Variants in TBC1D8B observed in about 807,000 individuals in gnomAD.
TBC1D8B encodes the protein RP11-321G1.1.
TBC1D8B carries 75 observed loss-of-function variants against 82.9 expected under a neutral mutation model. The observed-to-expected ratio is 0.90, with a 90% CI of 0.75 to 1.10. TBC1D8B has a LOEUF of 1.10. TBC1D8B is among the 50% of genes least tolerant of loss of function. The probability of loss-of-function intolerance (pLI) is 0.00; values close to 1 mark genes in which losing one functional copy is unlikely to be tolerated. For missense variants in TBC1D8B, 794 were observed against 796.9 expected (o/e 1.00, Z 0.04); for synonymous variants, 276 against 276.8 (o/e 1.00, Z 0.03).
In TBC1D8B at chrX:106,875,175, A is replaced by C. The variant is rs977021567; in HGVS notation, c.*1210A>C. 1 of 111,464 alleles carries C rather than the reference A, an allele frequency of 9.0e-6. No individual in the cohort carries two copies. The highest frequency in any genetic ancestry group is 3.3e-5 in the African/African-American group (1 of 30,679). The allele number at this position is 111,464 out of a possible 1,213,427, so 9.2% of individuals were successfully genotyped here. On this transcript the variant is annotated 3_prime_UTR_variant, in exon 21 of 21. Transcript: ENST00000357242. Reference sequence around the variant, plus strand: ...TATTCCTACCAAGGACAATTTATTAATCAATTGACTTAGAAAATAGGGGGA... The same window carrying C: ...TATTCCTACCAAGGACAATTTATTACTCAATTGACTTAGAAAATAGGGGGA...
At chrX:106,846,332 T>C (rs1413091747) in intron 10 of TBC1D8B, among the ~76,000 whole-genome samples, 1 of 106,662 alleles carries the variant, frequency 9.4e-6, no homozygotes, top group African/African-American at 3.4e-5. Flanking sequence ...GGTTATGAAC[T>C]CCTGACCTCA....
chrX:106,865,397 C>G (rs1932807273), intron 14 of TBC1D8B, 162 bp from the exon 15 acceptor site: 1 of 266,664 alleles, frequency 3.8e-6, no homozygotes, highest in Non-Finnish European at 6.5e-6. Context: ...TAGATAATAA[C>G]TTTATAATAT....
At chrX:106,848,768 T>TTTTTA (rs1338155192) in intron 11 of TBC1D8B, among the ~76,000 whole-genome samples, 90 of 110,168 alleles carry the variant, frequency 8.2e-4, no homozygotes, top group Middle Eastern at 9.3e-3. Flanking sequence ...AATTGTATAA[T>TTTTTA]TTTTATTTTA....
chrX:106,830,542 A>C (rs1409508324), intron 7 of TBC1D8B, among the ~76,000 whole-genome samples: 1 of 111,136 alleles, frequency 9.0e-6, no homozygotes, highest in African/African-American at 3.3e-5. Flanking sequence ...CTTGGAACCA[A>C]GCCAAATGTC....
At chrX:106,863,327 G>A (rs943206862) in intron 14 of TBC1D8B, among the ~76,000 whole-genome samples, 1 of 111,579 alleles carries the variant, frequency 9.0e-6, no homozygotes, top group Non-Finnish European at 1.9e-5. Context: ...CAGGGAGATG[G>A]CCCATTCACC....
At chrX:106,870,878 C>G in intron 20 of TBC1D8B, 65 bp downstream of exon 20, 1 of 676,938 alleles carries the variant, frequency 1.5e-6, no homozygotes, top group Admixed American at 3.5e-5. Context: ...GGTGTAACCT[C>G]TAAAATAGCT....
intron 7 of TBC1D8B, among the ~76,000 whole-genome samples, chrX:106,838,555 T>TA (rs1932230248): frequency 8.9e-6 from 1 of 111,789 alleles, no homozygotes; most frequent in Non-Finnish European, 1.9e-5. Flanking sequence ...CACAGCCCTG[T>TA]ACATGTATTC....
At chrX:106,844,030 A>G (rs1932376503) in intron 10 of TBC1D8B, among the ~76,000 whole-genome samples, 1 of 111,615 alleles carries the variant, frequency 9.0e-6, no homozygotes, top group Non-Finnish European at 1.9e-5. Context: ...TTGCCAGCAT[A>G]TAGAAATACA....
At chrX:106,854,040 G>A (rs1475200458) in intron 13 of TBC1D8B, among the ~76,000 whole-genome samples, 158 bp from the exon 14 acceptor site, 1 of 111,537 alleles carries the variant, frequency 9.0e-6, no homozygotes, top group African/African-American at 3.3e-5. Context: ...AAACTGAAAC[G>A]TGGGAGGTAA....
At chrX:106,870,192 G>A (rs1269503468) in intron 19 of TBC1D8B, among the ~76,000 whole-genome samples, 2 of 110,680 alleles carry the variant, frequency 1.8e-5, no homozygotes, top group Non-Finnish European at 1.9e-5. Context: ...CACCACACCC[G>A]GCTAATTTTC....
rs751970856 is a variant in TBC1D8B, at chrX:106,873,661, C to G, written c.3059C>G (p.Thr1020Ser). The change falls in exon 21 of 21, where the codon ACC (threonine) becomes AGC (serine). Residue 1020 changes from threonine (T) to serine (S), a missense_variant. Thr to Ser is a moderately conservative substitution (Grantham distance 58, BLOSUM62 1). Coordinates refer to ENST00000357242, the MANE Select transcript of TBC1D8B (RefSeq NM_017752.3). The stretch of plus-strand genomic sequence containing the variant: ...TTATATCAAGCCATTGCTGTTGTAA[C>G]CAGCCTTTTACTCAGGATGGAAGAA... ...ESLYQAIAVVTSLLLRMEEVG... is the reference protein window; with the variant it reads ...ESLYQAIAVVSSLLLRMEEVG... 8.3e-7 allele frequency: 1 copy of G among 1,209,970 alleles called. No individual in the cohort carries two copies. The highest frequency in any genetic ancestry group is 1.7e-5 in the African/African-American group (1 of 57,247).
At chrX:106,840,994 A>G in intron 10 of TBC1D8B, 110 bp downstream of exon 10, 1 of 604,819 alleles carries the variant, frequency 1.7e-6, no homozygotes, top group Non-Finnish European at 2.6e-6. Context: ...TGGGGGTGAG[A>G]TAGATAGAGC....
chrX:106,858,852 T>C (rs1253431935), intron 14 of TBC1D8B, among the ~76,000 whole-genome samples: 1 of 112,330 alleles, frequency 8.9e-6, no homozygotes, highest in Non-Finnish European at 1.9e-5. Context: ...GTTTTACATT[T>C]AAGTCTTTAA....
At chrX:106,873,094 T>C (rs1383863391) in intron 20 of TBC1D8B, among the ~76,000 whole-genome samples, 1 of 112,004 alleles carries the variant, frequency 8.9e-6, no homozygotes. Context: ...TCTTCCATGG[T>C]TCATACTCAT....
At chrX:106,825,626 T>A (rs1163331395) in intron 5 of TBC1D8B, among the ~76,000 whole-genome samples, 1 of 111,555 alleles carries the variant, frequency 9.0e-6, no homozygotes, top group African/African-American at 3.2e-5. Context: ...TTATTTTATT[T>A]TACTTGAACT....
intron 14 of TBC1D8B, among the ~76,000 whole-genome samples, chrX:106,858,759 C>T (rs755195034): frequency 1.8e-5 from 2 of 111,712 alleles, no homozygotes; most frequent in South Asian, 7.5e-4. Context: ...TTGCTTTTGG[C>T]ATTTTTGTTG....
At chrX:106,828,729 C>A (rs1931932233) in intron 7 of TBC1D8B, 1 of 109,405 alleles carries the variant, frequency 9.1e-6, no homozygotes, top group African/African-American at 3.4e-5. Context: ...AGGCCTTTGA[C>A]AAAATTCAAC....
At chrX:106,810,302 G>A (rs1181491496) in intron 1 of TBC1D8B, among the ~76,000 whole-genome samples, 2 of 111,351 alleles carry the variant, frequency 1.8e-5, no homozygotes, top group African/African-American at 6.5e-5. Context: ...GGAGGAGGGG[G>A]GACGTTCTAA....
At chrX:106,852,779 C>T in intron 12 of TBC1D8B, among the ~76,000 whole-genome samples, 1 of 111,033 alleles carries the variant, frequency 9.0e-6, no homozygotes, top group Admixed American at 9.6e-5. Flanking sequence ...ATCTATATCT[C>T]TGTTTTGGTA....
Sources: gnomAD v4.1 joint callset for allele counts (sites outside exome capture counted in the v4.1 genomes callset) on GRCh38, gnomAD v4.1.1 for gene constraint, MANE v1.5 for transcripts, NCBI Gene and HGNC (gene_info 2026-07-23, HGNC 2026-07-21) for gene names.